MRPL21: variants seen among roughly 807,000 people sequenced by gnomAD.
The protein encoded by MRPL21 is mitochondrial ribosomal protein L21.
A neutral mutation model predicts 27.3 loss-of-function variants in MRPL21; 20 were observed. That is an observed-to-expected ratio of 0.73 (90% CI 0.52 to 1.06). The LOEUF (loss-of-function observed/expected upper bound fraction) is 1.06. MRPL21 is among the 50% of genes least tolerant of loss of function. The pLI, the probability that MRPL21 is intolerant of heterozygous loss-of-function variation, is 0.00. For missense variants in MRPL21, 249 were observed against 251.4 expected, an observed-to-expected ratio of 0.99 and a Z score of 0.06; for synonymous variants, 98 against 101.5, an observed-to-expected ratio of 0.97 and a Z score of 0.21.
intron 1 of MRPL21, among the ~76,000 whole-genome samples, 197 bp from the exon 2 acceptor site, chr11:68,900,802 G>T (rs1594408181): frequency 6.6e-6 from 1 of 152,234 alleles, no homozygotes; most frequent in Non-Finnish European, 1.5e-5. Flanking sequence ...GTTGAGATCA[G>T]TTAGCCACAT....
At chr11:68,897,736 G>C in intron 3 of MRPL21, 191 bp downstream of exon 3, 1 of 596,682 alleles carries the variant, frequency 1.7e-6, no homozygotes, top group East Asian at 2.8e-5. Flanking sequence ...TGTTCAAGGA[G>C]TAGTTAATGA....
intron 4 of MRPL21, among the ~76,000 whole-genome samples, chr11:68,894,562 G>A (rs934256300): frequency 1.3e-5 from 2 of 152,182 alleles, no homozygotes; most frequent in African/African-American, 4.8e-5. Context: ...GATAACAGGC[G>A]TGAGCCACCA....
At position 68,891,630 on chromosome 11, in the gene MRPL21, G is replaced by A. The variant is rs144861411; in HGVS notation, c.554-235C>T. On this transcript the variant is annotated intron_variant, in intron 6 of 6. Transcript: ENST00000362034. Reference sequence around the variant, plus strand: ...CGCCTCATGGCCAGGAGTGCCCTGCGCTGGCACCTCACCTCTCCTCCCACA... The same window carrying A: ...CGCCTCATGGCCAGGAGTGCCCTGCACTGGCACCTCACCTCTCCTCCCACA... 1,302 of 586,012 alleles carry A rather than the reference G, an allele frequency of 2.2e-3. 13 individuals are homozygous for A. Among genetic ancestry groups the A allele is most frequent in the African/African-American group, 0.022 (1,184 of 53,688 alleles). The allele number at this position is 586,012 out of a possible 1,614,324, so 36.3% of individuals were successfully genotyped here. A position where few individuals can be genotyped will look rare whatever the true frequency, so the allele number is the denominator to read the frequency against.
intron 1 of MRPL21, 27 bp from the exon 2 acceptor site, chr11:68,900,632 A>G (rs1298972837): frequency 1.3e-6 from 2 of 1,586,056 alleles, no homozygotes; most frequent in Admixed American, 1.7e-5. Context: ...AACACAGATC[A>G]TTACCATTAA....
chr11:68,891,878 C>T, intron 6 of MRPL21: 1 of 482,210 alleles, frequency 2.1e-6, no homozygotes, highest in Non-Finnish European at 3.6e-6. Context: ...CAGAATTCTG[C>T]AGCCGCTCAG....
In MRPL21 at chr11:68,893,916, T is replaced by C. The variant is rs376433777; in HGVS notation, c.397-461A>G. On this transcript the variant is annotated intron_variant, in intron 4 of 6. Transcript: ENST00000362034. ...GTGAAATTAGTCTCTACTAAAAAAA[T>C]ACAAAAACTTAGCTGGGCGTGGCGG... is the stretch of plus-strand genomic sequence containing the variant. 1.1e-4 allele frequency among the ~76,000 whole-genome samples: 17 copies of C among 151,996 alleles called. No individual in the cohort carries two copies. In the East Asian group the frequency reaches 1.9e-3, roughly 17 times the overall value.
At chr11:68,893,917 A>G (rs1455935649) in intron 4 of MRPL21, among the ~76,000 whole-genome samples, 1 of 152,152 alleles carries the variant, frequency 6.6e-6, no homozygotes, top group Non-Finnish European at 1.5e-5. Flanking sequence ...CTAAAAAAAT[A>G]CAAAAACTTA....
intron 3 of MRPL21, 143 bp from the exon 4 acceptor site, chr11:68,896,821 C>CA: frequency 9.4e-7 from 1 of 1,063,964 alleles, no homozygotes. Flanking sequence ...GCTGGCGGCC[C>CA]AGCCCCTGCT....
At chr11:68,892,861 A>T in intron 6 of MRPL21, 29 bp downstream of exon 6, 1 of 1,600,658 alleles carries the variant, frequency 6.2e-7, no homozygotes, top group Non-Finnish European at 8.5e-7. Flanking sequence ...ACCGTGCAAC[A>T]GGGCCCAGCG....
chr11:68,892,931 A>G lies in MRPL21; in HGVS notation c.512T>C (p.Ile171Thr). Residue 171 changes from isoleucine (I) to threonine (T), a missense_variant, in exon 6 of 7, where the codon ATT (isoleucine) becomes ACT (threonine). Transcript: ENST00000362034. ...GTTTTTCCTTTTCCTGAATCTCATA[A>G]TGATTCTTGGCCATGATTCTGTCTT... ...IEKTESWPRI[I>T]MRFRKRKNFK... 1 of 1,613,600 alleles carries G rather than the reference A, an allele frequency of 6.2e-7. No homozygotes were observed. The highest frequency in any genetic ancestry group is 8.5e-7 in the Non-Finnish European group (1 of 1,179,752).
chr11:68,893,193 C>T (rs1857696759), intron 5 of MRPL21, 200 bp from the exon 6 acceptor site: 9 of 1,353,142 alleles, frequency 6.7e-6, no homozygotes, highest in Non-Finnish European at 8.8e-6. Context: ...TTCAGAGGAC[C>T]ACACTGTCAT....
Position 68,897,997 on chromosome 11 carries a change from T to C in MRPL21, c.162A>G (p.Thr54=). The C allele has an allele frequency of 3.1e-6, 5 of 1,614,154 alleles. No individual in the cohort carries two copies. Among genetic ancestry groups the C allele is most frequent in the Non-Finnish European group, 4.2e-6 (5 of 1,179,982 alleles). The part of the protein sequence containing the change: ...TSYLPGYVPK[T]SLSSPPWPEV... ...CTGGCCAAGGTGGTGAACTCAGGGA[T>C]GTTTTAGGAACATATCTGTAAAACA... Residue 54 remains threonine, a synonymous_variant, in exon 3 of 7, where the codon ACA becomes ACG. Coordinates refer to ENST00000362034, the MANE Select transcript of MRPL21 (RefSeq NM_181514.2).
chr11:68,892,835 C>T (rs779625205), intron 6 of MRPL21, 55 bp downstream of exon 6: 21 of 1,584,676 alleles, frequency 1.3e-5, no homozygotes, highest in East Asian at 6.8e-5. Flanking sequence ...CGTCCGCATG[C>T]GCCTGGGCAA....
rs765533988 is a variant in MRPL21, at chr11:68,900,544, T to A, written c.146+4A>T. On this transcript the variant is annotated splice_donor_region_variant and intron_variant, in intron 2 of 6. Transcript: ENST00000362034. The stretch of plus-strand genomic sequence containing the variant: ...AGGCACCAAAACCCACATTTTGATA[T>A]TACCCTGGTAGATATGAAGTGCTCT... The A allele has an allele frequency of 1.2e-6, 2 of 1,613,284 alleles. No individual in the cohort carries two copies. Among genetic ancestry groups the A allele is most frequent in the Non-Finnish European group, 1.7e-6 (2 of 1,179,372 alleles).
chr11:68,903,819 C>A lies in MRPL21; in HGVS notation c.-9G>T. 1 of 1,612,678 alleles carries A rather than the reference C, an allele frequency of 6.2e-7. No individual in the cohort carries two copies. The highest frequency in any genetic ancestry group is 8.5e-7 in the Non-Finnish European group (1 of 1,179,726). On this transcript the variant is annotated 5_prime_UTR_variant, in exon 1 of 7. Coordinates refer to ENST00000362034, the MANE Select transcript of MRPL21 (RefSeq NM_181514.2). The stretch of plus-strand genomic sequence containing the variant: ...AGGGAAGATGCTGCCATGGCCGCAG[C>A]CTCGGCCGGAAACGGAAACGACGCG...
rs574305843 is a variant in MRPL21, at chr11:68,895,498, A to C, written c.396+1017T>G. Among the ~76,000 whole-genome samples, 3 of 151,514 alleles carry C rather than the reference A, an allele frequency of 2.0e-5. No homozygotes were observed. In the South Asian group the frequency reaches 6.3e-4, roughly 32 times the overall value. ...AACCCCATCTCAACTAAAAATATAA[A>C]AATTAGCAGGGCGTGGTGGCATGCA... On this transcript the variant is annotated intron_variant, in intron 4 of 6. Coordinates refer to ENST00000362034, the MANE Select transcript of MRPL21 (RefSeq NM_181514.2).
chr11:68,896,338 C>T (rs1857785858), intron 4 of MRPL21, 177 bp downstream of exon 4: 1 of 748,452 alleles, frequency 1.3e-6, no homozygotes, highest in African/African-American at 1.7e-5. Context: ...GCCTGCCCTG[C>T]CCTTGGACCC....
intron 4 of MRPL21, among the ~76,000 whole-genome samples, chr11:68,894,229 G>A (rs570964358): frequency 3.8e-4 from 58 of 152,196 alleles, no homozygotes; most frequent in African/African-American, 1.3e-3. Flanking sequence ...GGGAAATCAC[G>A]ACACCAAGTG....
intron 2 of MRPL21, among the ~76,000 whole-genome samples, chr11:68,898,279 A>T (rs1439633266): frequency 6.6e-6 from 1 of 152,198 alleles, no homozygotes; most frequent in Non-Finnish European, 1.5e-5. Context: ...GGTACTTCTC[A>T]GTGCTGGAAG....
Sources: allele counts gnomAD v4.1 joint callset (sites outside exome capture counted in the v4.1 genomes callset), GRCh38; gene constraint gnomAD v4.1.1; transcripts MANE v1.5; gene names NCBI Gene and HGNC (gene_info 2026-07-23, HGNC 2026-07-21).